Variants in RAP1A observed in about 807,000 individuals in gnomAD.
RAP1A encodes the protein ras-related protein Rap-1A.
In RAP1A, 6 loss-of-function variants were observed where a neutral mutation model predicts 26.4. The observed-to-expected ratio is 0.23, with a 90% CI of 0.12 to 0.45. The LOEUF (loss-of-function observed/expected upper bound fraction) is 0.45, where lower values mean the gene tolerates loss of function less well. Ranked by LOEUF, RAP1A falls within the 20% of genes least tolerant of loss-of-function variation. RAP1A has a pLI of 0.99. For synonymous variants in RAP1A, 73 were observed against 79.4 expected (o/e 0.92, Z 0.43); for missense variants, 121 against 217.2 (o/e 0.56, Z 2.78).
intron 1 of RAP1A, among the ~76,000 whole-genome samples, chr1:111,679,885 C>A (rs1040880746): frequency 1.3e-5 from 2 of 152,170 alleles, no homozygotes; most frequent in Admixed American, 1.3e-4. Flanking sequence ...GGCAGCAGCC[C>A]CAGTCAGGGG....
intron 1 of RAP1A, among the ~76,000 whole-genome samples, chr1:111,561,392 G>A (rs1311221062): frequency 1.3e-5 from 2 of 152,236 alleles, no homozygotes; most frequent in African/African-American, 2.4e-5. Context: ...TCAGTGCTGG[G>A]ATTACAGGCG....
chr1:111,543,921 T>C (rs954880192), intron 1 of RAP1A, among the ~76,000 whole-genome samples: 1 of 152,274 alleles, frequency 6.6e-6, no homozygotes, highest in East Asian at 1.9e-4. Flanking sequence ...GGGGCTCTCT[T>C]CTTAGGAGGT....
At chr1:111,578,918 G>A (rs1384674782) in intron 1 of RAP1A, among the ~76,000 whole-genome samples, 1 of 152,194 alleles carries the variant, frequency 6.6e-6, no homozygotes, top group East Asian at 1.9e-4. Flanking sequence ...ATGGCTCATG[G>A]AATTCAGGGA....
At position 111,650,700 on chromosome 1, in the gene RAP1A, T is replaced by C. The variant is rs1016417324; in HGVS notation, c.-28+30766T>C. On this transcript the variant is annotated intron_variant, in intron 1 of 7. Transcript: ENST00000369709. ...ATGAATGTACATTGACACATACTTA[T>C]TATGCAGAGTCCATAGTTTACCTTA... 1.4e-4 allele frequency among the ~76,000 whole-genome samples: 22 copies of C among 152,354 alleles called. No individual in the cohort carries two copies. The Middle Eastern group carries it at 0.01, about 71-fold the overall frequency.
intron 1 of RAP1A, chr1:111,650,640 A>G (rs1660235112): frequency 6.6e-6 from 1 of 152,146 alleles, no homozygotes; most frequent in Non-Finnish European, 1.5e-5. Context: ...ATTATCAACA[A>G]ATCCCCTACC....
intron 1 of RAP1A, among the ~76,000 whole-genome samples, chr1:111,578,378 A>ATACT (rs1365882763): frequency 6.6e-6 from 1 of 152,202 alleles, no homozygotes; most frequent in East Asian, 1.9e-4. Context: ...CTTGTAAGCC[A>ATACT]TACTTAGAAG....
At chr1:111,675,247 C>T (rs113925754) in intron 1 of RAP1A, among the ~76,000 whole-genome samples, 1,657 of 151,890 alleles carry the variant, frequency 0.011, 25 homozygotes, top group African/African-American at 0.039. Flanking sequence ...TTTGGGAGGC[C>T]GAGGCGGGTG....
chr1:111,583,081 G>A (rs1345385056), intron 1 of RAP1A, among the ~76,000 whole-genome samples: 1 of 152,084 alleles, frequency 6.6e-6, no homozygotes, highest in African/African-American at 2.4e-5. Context: ...AGAGATTTCT[G>A]TATTTCCGGA....
Position 111,650,093 on chromosome 1 carries a change from C to CTT in RAP1A, c.-28+30183_-28+30184dup, listed in dbSNP as rs57681662. Among the ~76,000 whole-genome samples, 262 of 75,864 alleles carry CTT rather than the reference C, an allele frequency of 3.5e-3. 1 individual carries two copies. The highest frequency in any genetic ancestry group is 8.8e-3 in the African/African-American group (174 of 19,746). 49.8% of individuals were successfully genotyped at this position (75,864 alleles called of 152,430 possible). A position where few individuals can be genotyped will look rare whatever the true frequency, so the allele number is the denominator to read the frequency against. On this transcript the variant is annotated intron_variant, in intron 1 of 7. Transcript: ENST00000369709. Reference sequence around the variant, plus strand: ...GTAATATTTGTGGAGTGGTAGAGTGCTTTTTTTTTTTTTTTTTTTTTTTTT... The same window carrying CTT: ...GTAATATTTGTGGAGTGGTAGAGTGCTTTTTTTTTTTTTTTTTTTTTTTTTTT...
chr1:111,623,967 C>G (rs935784963), intron 1 of RAP1A, among the ~76,000 whole-genome samples: 1 of 152,180 alleles, frequency 6.6e-6, no homozygotes, highest in African/African-American at 2.4e-5. Context: ...CCTCAGATCA[C>G]TTCTAATCTC....
At chr1:111,565,212 G>A (rs1329563465) in intron 1 of RAP1A, among the ~76,000 whole-genome samples, 1 of 152,110 alleles carries the variant, frequency 6.6e-6, no homozygotes, top group East Asian at 1.9e-4. Flanking sequence ...AATGAACAAA[G>A]GGGGGGAGTG....
chr1:111,569,372 CAG>C (rs1174911500), intron 1 of RAP1A, among the ~76,000 whole-genome samples: 10 of 134,224 alleles, frequency 7.5e-5, no homozygotes, highest in African/African-American at 2.6e-4. Context: ...GCACTCCAGA[CAG>C]AGTGAGACTC....
chr1:111,602,405 G>T (rs777532314), intron 1 of RAP1A: 24 of 152,170 alleles, frequency 1.6e-4, no homozygotes, highest in Non-Finnish European at 2.9e-5. Flanking sequence ...GGCTTGTAAT[G>T]GAGGATTAAA....
Position 111,564,547 on chromosome 1 carries a change from C to G in RAP1A, c.-28+22038C>G, listed in dbSNP as rs1657868477. Among the ~76,000 whole-genome samples, 4 of 143,952 alleles carry G rather than the reference C, an allele frequency of 2.8e-5. No homozygotes were observed. The Admixed American group carries it at 2.8e-4, about 10-fold the overall frequency. The allele number at this position is 143,952 out of a possible 152,430, so 94.4% of individuals were successfully genotyped here. On this transcript the variant is annotated intron_variant, in intron 1 of 7. Coordinates refer to the RAP1A transcript ENST00000356415. ...TTTTTTTTTGAGACGGAGTCTCACTCTGTTGCCCAGGCTAGAGTGCAGTGG... is the reference window on the plus strand; with the variant it reads ...TTTTTTTTTGAGACGGAGTCTCACTGTGTTGCCCAGGCTAGAGTGCAGTGG...
chr1:111,665,049 TG>T (rs1247764604), intron 1 of RAP1A, among the ~76,000 whole-genome samples: 1 of 152,160 alleles, frequency 6.6e-6, no homozygotes, highest in Non-Finnish European at 1.5e-5. Context: ...TTCTTTATAG[TG>T]GGGGTAATGA....
At chr1:111,610,074 G>A (rs550451537) in intron 1 of RAP1A, among the ~76,000 whole-genome samples, 31 of 152,234 alleles carry the variant, frequency 2.0e-4, no homozygotes, top group African/African-American at 7.2e-4. Flanking sequence ...AAAAATGATT[G>A]ACTCCCTTGG....
rs553774528 is a variant in RAP1A, at chr1:111,713,860, A to G, written c.*1459A>G. ...AGCTTGTTAGCCAATTAAGTTCTGG[A>G]AAAGGAAAGAAACAAGCTTAGAAAA... On this transcript the variant is annotated 3_prime_UTR_variant, in exon 8 of 8. Transcript: ENST00000369709. 2.6e-5 allele frequency: 4 copies of G among 152,314 alleles called. No homozygotes were observed. The South Asian group carries it at 8.3e-4, about 32-fold the overall frequency. The allele number at this position is 152,314 out of a possible 1,614,324, so 9.4% of individuals were successfully genotyped here. A position where few individuals can be genotyped will look rare whatever the true frequency, so the allele number is the denominator to read the frequency against.
chr1:111,710,742 G>A (rs936292153), intron 7 of RAP1A, among the ~76,000 whole-genome samples: 2 of 152,194 alleles, frequency 1.3e-5, no homozygotes, highest in Admixed American at 1.3e-4. Context: ...AGGAGAAAAG[G>A]GCCTAGGGAT....
intron 1 of RAP1A, among the ~76,000 whole-genome samples, chr1:111,676,313 G>A (rs780056116): frequency 1.3e-5 from 2 of 152,094 alleles, no homozygotes; most frequent in African/African-American, 2.4e-5. Flanking sequence ...CCGAGATCAT[G>A]CCACTCAAGC....
Sources: allele counts gnomAD v4.1 joint callset (sites outside exome capture counted in the v4.1 genomes callset), GRCh38; gene constraint gnomAD v4.1.1; transcripts MANE v1.5; gene names NCBI Gene and HGNC (gene_info 2026-07-23, HGNC 2026-07-21).